Variants in CUL3 observed in about 807,000 individuals in gnomAD.
CUL3 encodes the protein cullin-3.
In CUL3, 19 loss-of-function variants were observed where a neutral mutation model predicts 89.1. The observed-to-expected ratio is 0.21, with a 90% CI of 0.15 to 0.31. The LOEUF is 0.31. Ranked by LOEUF, CUL3 falls within the 10% of genes least tolerant of loss-of-function variation. The pLI is 1.00. For synonymous variants in CUL3, 351 were observed against 308.4 expected, an observed-to-expected ratio of 1.14 and a Z score of -1.45; for missense variants, 469 against 942.3, an observed-to-expected ratio of 0.50 and a Z score of 6.58.
At position 224,500,250 on chromosome 2, in the gene CUL3, G is replaced by A. The variant is rs895071560; in HGVS notation, c.1610+113C>T. On this transcript the variant is annotated intron_variant, in intron 11 of 15. Transcript: ENST00000264414. The stretch of plus-strand genomic sequence containing the variant: ...CAGGATAAATGCTCCTTTTGATCAC[G>A]AGGTAATAAATGGAATACATTCATC... 1.6e-5 allele frequency: 20 copies of A among 1,238,502 alleles called. No individual in the cohort carries two copies. In the East Asian group the frequency reaches 3.4e-4, roughly 21 times the overall value. The allele number at this position is 1,238,502 out of a possible 1,614,324, so 76.7% of individuals were successfully genotyped here.
intron 2 of CUL3, among the ~76,000 whole-genome samples, chr2:224,554,311 T>C (rs1038341628): frequency 2.0e-5 from 3 of 152,322 alleles, no homozygotes; most frequent in Non-Finnish European, 4.4e-5. Context: ...AGATTCATAA[T>C]AATTTTAGAA....
chr2:224,520,816 G>A (rs961146008), intron 3 of CUL3, among the ~76,000 whole-genome samples: 9 of 152,218 alleles, frequency 5.9e-5, no homozygotes, highest in African/African-American at 1.7e-4. Context: ...TCTTGGCAAA[G>A]ATGTGCCTCT....
At chr2:224,563,709 T>C (rs1334484812) in intron 1 of CUL3, among the ~76,000 whole-genome samples, 2 of 152,188 alleles carry the variant, frequency 1.3e-5, no homozygotes, top group East Asian at 3.8e-4. Flanking sequence ...AATCCTGAAT[T>C]ACATCTTTGT....
intron 14 of CUL3, chr2:224,480,078 G>C (rs1055240420): frequency 6.7e-6 from 1 of 149,762 alleles, no homozygotes; most frequent in Non-Finnish European, 1.5e-5. Flanking sequence ...TGCACGCTGG[G>C]GGATGGAATT....
chr2:224,579,626 C>T (rs1265671263), intron 1 of CUL3, among the ~76,000 whole-genome samples: 1 of 152,196 alleles, frequency 6.6e-6, no homozygotes, highest in Non-Finnish European at 1.5e-5. Context: ...CAAACAGTTG[C>T]TGTCCATGCT....
intron 1 of CUL3, among the ~76,000 whole-genome samples, chr2:224,575,199 A>G (rs539775501): frequency 6.6e-6 from 1 of 152,328 alleles, no homozygotes; most frequent in Non-Finnish European, 1.5e-5. Flanking sequence ...AGTAAGAGCA[A>G]TTTGAGAATT....
intron 3 of CUL3, among the ~76,000 whole-genome samples, chr2:224,531,088 CTTT>C (rs36035608): frequency 5.8e-5 from 8 of 136,994 alleles, no homozygotes; most frequent in South Asian, 2.3e-4. Context: ...CTAAAATAGC[CTTT>C]TTTTTTTTTT....
chr2:224,478,077 A>C (rs974268889), intron 15 of CUL3, 123 bp downstream of exon 15: 5 of 971,448 alleles, frequency 5.1e-6, no homozygotes, highest in Non-Finnish European at 7.3e-6. Context: ...CATACATTTC[A>C]TAAGTGTTAC....
At chr2:224,545,882 G>A (rs990075087) in intron 2 of CUL3, among the ~76,000 whole-genome samples, 16 of 152,110 alleles carry the variant, frequency 1.1e-4, no homozygotes, top group African/African-American at 3.6e-4. Context: ...AATTTGCTAC[G>A]TGTTGAAGCA....
intron 6 of CUL3, among the ~76,000 whole-genome samples, chr2:224,507,930 A>G (rs574908869): frequency 6.6e-6 from 1 of 152,260 alleles, no homozygotes; most frequent in African/African-American, 2.4e-5. Context: ...TTTTTTCTGT[A>G]AAGTATCAGA....
chr2:224,580,832 A>AT (rs1424899080), intron 1 of CUL3, among the ~76,000 whole-genome samples: 1 of 151,956 alleles, frequency 6.6e-6, no homozygotes, highest in Non-Finnish European at 1.5e-5. Flanking sequence ...ACAATTCTAT[A>AT]TTTTTTTACA....
intron 2 of CUL3, among the ~76,000 whole-genome samples, chr2:224,543,970 G>A (rs960959527): frequency 2.6e-5 from 4 of 151,946 alleles, no homozygotes; most frequent in Non-Finnish European, 2.9e-5. Context: ...GGGTGACAGA[G>A]TGAGACCCCT....
intron 13 of CUL3, 64 bp downstream of exon 13, chr2:224,495,768 G>T: frequency 7.2e-7 from 1 of 1,379,318 alleles, no homozygotes; most frequent in South Asian, 1.3e-5. Flanking sequence ...AAATAAGAAA[G>T]ACTCAAGTAA....
rs199859946 is a variant in CUL3 at position 224,511,409 on chromosome 2, T to C, written c.828A>G (p.Ile276Met). ...RELISKHMKT[I>M]VEMENSGLVH... ...CTAGCCCAGAATTCTCCATTTCTACTATAGTCTTCATGTGCTTGGAAATGA... is the reference window on the plus strand; with the variant it reads ...CTAGCCCAGAATTCTCCATTTCTACCATAGTCTTCATGTGCTTGGAAATGA... Residue 276 changes from isoleucine to methionine, a missense_variant, in exon 6 of 16, where the codon ATA (isoleucine) becomes ATG (methionine). Physicochemically the swap from Ile to Met is conservative, Grantham distance 10 (BLOSUM62 1). Transcript: ENST00000264414. The C allele has an allele frequency of 6.2e-7, 1 of 1,613,928 alleles. No individual in the cohort carries two copies. Among genetic ancestry groups the C allele is most frequent in the African/African-American group, 1.3e-5 (1 of 75,042 alleles).
At chr2:224,551,759 T>G (rs1011487487) in intron 2 of CUL3, among the ~76,000 whole-genome samples, 3 of 152,212 alleles carry the variant, frequency 2.0e-5, no homozygotes, top group South Asian at 2.1e-4. Context: ...TGCCTGAGAA[T>G]GTATGGCTCA....
chr2:224,526,458 C>T lies in CUL3; in HGVS notation c.378+9070G>A, dbSNP rs541079862. Among the ~76,000 whole-genome samples the T allele has an allele frequency of 3.1e-4, 47 of 151,672 alleles. 1 individual carries two copies. Among genetic ancestry groups the T allele is most frequent in the Admixed American group, 4.6e-4 (7 of 15,236 alleles). On this transcript the variant is annotated intron_variant, in intron 3 of 15. Transcript: ENST00000264414. ...AAAATTAGCTGGACGTGGTGGTGGG[C>T]GCCTGTAATCCCAGCTACTCGGGAG...
chr2:224,535,968 T>G (rs1333586126), intron 2 of CUL3, among the ~76,000 whole-genome samples: 1 of 152,200 alleles, frequency 6.6e-6, no homozygotes. Flanking sequence ...ACTGGCTTCA[T>G]GCTACTGCTG....
At chr2:224,493,124 C>T (rs1211013874) in intron 13 of CUL3, among the ~76,000 whole-genome samples, 1 of 152,160 alleles carries the variant, frequency 6.6e-6, no homozygotes, top group Non-Finnish European at 1.5e-5. Flanking sequence ...AACTGAGTAT[C>T]TTCTCAATCC....
chr2:224,582,697 C>T (rs1030606741), intron 1 of CUL3, among the ~76,000 whole-genome samples: 1 of 152,090 alleles, frequency 6.6e-6, no homozygotes, highest in Non-Finnish European at 1.5e-5. Flanking sequence ...TATGTGGTAA[C>T]GTATCACACA....
Sources: gnomAD v4.1 joint callset for allele counts (sites outside exome capture counted in the v4.1 genomes callset) on GRCh38, gnomAD v4.1.1 for gene constraint, MANE v1.5 for transcripts, NCBI Gene and HGNC (gene_info 2026-07-23, HGNC 2026-07-21) for gene names.